ARHGEF7: variants seen among roughly 807,000 people sequenced by gnomAD.
The protein encoded by ARHGEF7 is PAK-interacting exchange factor beta.
A neutral mutation model predicts 109.8 loss-of-function variants in ARHGEF7; 33 were observed. That is an observed-to-expected ratio of 0.30 (90% CI 0.23 to 0.40). The LOEUF (loss-of-function observed/expected upper bound fraction) is 0.40. Ranked by LOEUF, ARHGEF7 falls within the 10% of genes least tolerant of loss-of-function variation. ARHGEF7 has a pLI of 1.00. For synonymous variants in ARHGEF7, 458 were observed against 424.6 expected (o/e 1.08, Z -0.97); for missense variants, 938 against 1,098.5 (o/e 0.85, Z 2.07).
intron 2 of ARHGEF7, among the ~76,000 whole-genome samples, chr13:111,176,926 T>C (rs1427660582): frequency 6.6e-6 from 1 of 152,172 alleles, no homozygotes; most frequent in Non-Finnish European, 1.5e-5. Context: ...CCCACTAATT[T>C]TTGTATTTTT....
chr13:111,151,632 T>C (rs1297641191), intron 1 of ARHGEF7, among the ~76,000 whole-genome samples: 2 of 152,244 alleles, frequency 1.3e-5, no homozygotes, highest in African/African-American at 4.8e-5. Context: ...CACTGTATTG[T>C]TGATTCATTA....
chr13:111,235,959 G>A (rs61968013), intron 6 of ARHGEF7, among the ~76,000 whole-genome samples: 8,026 of 152,254 alleles, frequency 0.053, 328 homozygotes, highest in Middle Eastern at 0.085. Flanking sequence ...GTATAATGGA[G>A]TTGAGAGAAG....
chr13:111,263,812 TTCC>T (rs10558175), intron 8 of ARHGEF7, among the ~76,000 whole-genome samples: 47,666 of 152,052 alleles, frequency 0.31, 8,246 homozygotes, highest in Non-Finnish European at 0.39. Context: ...GGGCGTGTTC[TTCC>T]TCCTCTGTAG....
intron 8 of ARHGEF7, among the ~76,000 whole-genome samples, chr13:111,249,519 A>T (rs1308225122): frequency 6.6e-6 from 1 of 152,086 alleles, no homozygotes; most frequent in Non-Finnish European, 1.5e-5. Flanking sequence ...GATTGGCCTC[A>T]GTAAGCCTGC....
intron 2 of ARHGEF7, among the ~76,000 whole-genome samples, chr13:111,173,777 A>T (rs12866385): frequency 0.16 from 24,142 of 150,730 alleles, 2,259 homozygotes; most frequent in Middle Eastern, 0.22. Flanking sequence ...TACCTGCAGC[A>T]CCTGGTCTTG....
intron 8 of ARHGEF7, among the ~76,000 whole-genome samples, chr13:111,259,806 G>A (rs2090889408): frequency 6.6e-6 from 1 of 152,164 alleles, no homozygotes; most frequent in South Asian, 2.1e-4. Context: ...TGGAGAGACA[G>A]ATATGTGACC....
intron 1 of ARHGEF7, among the ~76,000 whole-genome samples, 169 bp downstream of exon 1, chr13:111,115,860 C>A (rs1392035431): frequency 4.1e-5 from 6 of 147,288 alleles, no homozygotes; most frequent in Admixed American, 3.3e-4. Context: ...GCTCGGGGGG[C>A]GCCATTGTGT....
intron 1 of ARHGEF7, among the ~76,000 whole-genome samples, chr13:111,141,473 C>A (rs1218536202): frequency 6.6e-6 from 1 of 152,122 alleles, no homozygotes; most frequent in African/African-American, 2.4e-5. Flanking sequence ...TCCATGCCCT[C>A]CCTGGGTGTG....
chr13:111,185,021 T>C (rs889938071), intron 2 of ARHGEF7: 31 of 152,378 alleles, frequency 2.0e-4, no homozygotes, highest in African/African-American at 6.7e-4. Context: ...TTTTTTTTTT[T>C]CCTCAGAGAC....
chr13:111,221,214 T>TA (rs373314649), intron 5 of ARHGEF7, among the ~76,000 whole-genome samples: 4,167 of 57,484 alleles, frequency 0.072, 308 homozygotes, highest in Middle Eastern at 0.1. Context: ...TAGATATATA[T>TA]GTCTATATAT....
At chr13:111,221,527 A>C (rs368096140) in intron 5 of ARHGEF7, among the ~76,000 whole-genome samples, 705 of 35,600 alleles carry the variant, frequency 0.02, 30 homozygotes, top group Middle Eastern at 0.18. Flanking sequence ...ATATATCTAT[A>C]TATATCTATA....
At chr13:111,170,812 C>A (rs1273988148) in intron 2 of ARHGEF7, among the ~76,000 whole-genome samples, 1 of 152,150 alleles carries the variant, frequency 6.6e-6, no homozygotes, top group Non-Finnish European at 1.5e-5. Flanking sequence ...AAATGGGAGA[C>A]CTGCTTGTTG....
At chr13:111,156,892 T>G (rs1238963017) in intron 2 of ARHGEF7, among the ~76,000 whole-genome samples, 1 of 152,252 alleles carries the variant, frequency 6.6e-6, no homozygotes, top group African/African-American at 2.4e-5. Context: ...GGTGCTTTTC[T>G]TCCAGGGGTT....
intron 5 of ARHGEF7, among the ~76,000 whole-genome samples, chr13:111,225,972 A>G (rs1288863671): frequency 6.6e-6 from 1 of 152,254 alleles, no homozygotes; most frequent in Non-Finnish European, 1.5e-5. Context: ...GAAAGGTGAG[A>G]CAGGCTGAAA....
chr13:111,276,747 C>T (rs1037292867), intron 12 of ARHGEF7, among the ~76,000 whole-genome samples: 5 of 152,142 alleles, frequency 3.3e-5, no homozygotes, highest in African/African-American at 9.7e-5. Flanking sequence ...CTTTAAAGTA[C>T]GGAAGACTCT....
intron 1 of ARHGEF7, among the ~76,000 whole-genome samples, chr13:111,122,291 C>T (rs931212722): frequency 5.3e-5 from 8 of 152,124 alleles, no homozygotes; most frequent in South Asian, 2.1e-4. Context: ...TCAGCAGGGC[C>T]GGGAGTCAGA....
At position 111,214,386 on chromosome 13, in the gene ARHGEF7, G is replaced by A. The variant is rs142744928; in HGVS notation, c.469-3293G>A. Reference sequence around the variant, plus strand: ...CTGGGAAGGGGCCTGCTGCGCCTGCGTTGCTTTGCTCACCACAGCTGTGTT... The same window carrying A: ...CTGGGAAGGGGCCTGCTGCGCCTGCATTGCTTTGCTCACCACAGCTGTGTT... On this transcript the variant is annotated intron_variant, in intron 4 of 21. Coordinates refer to ENST00000646102, the MANE Select transcript of ARHGEF7 (RefSeq NM_001354046.2). 4.6e-5 allele frequency among the ~76,000 whole-genome samples: 7 copies of A among 152,318 alleles called. No homozygotes were observed. In the East Asian group the frequency reaches 1.2e-3, roughly 25 times the overall value.
chr13:111,229,944 G>A (rs1228305232), intron 5 of ARHGEF7, among the ~76,000 whole-genome samples: 1 of 152,152 alleles, frequency 6.6e-6, no homozygotes, highest in African/African-American at 2.4e-5. Flanking sequence ...AGACATCTTT[G>A]CATCAGCTGT....
At chr13:111,141,436 G>A (rs774549371) in intron 1 of ARHGEF7, among the ~76,000 whole-genome samples, 2 of 150,718 alleles carry the variant, frequency 1.3e-5, no homozygotes, top group African/African-American at 2.5e-5. Context: ...CATGTAGTGC[G>A]AGCTATGGGG....
Sources: allele counts gnomAD v4.1 joint callset (sites outside exome capture counted in the v4.1 genomes callset), GRCh38; gene constraint gnomAD v4.1.1; transcripts MANE v1.5; gene names NCBI Gene and HGNC (gene_info 2026-07-23, HGNC 2026-07-21).